FAM162A: variants seen among roughly 807,000 people sequenced by gnomAD.
The protein encoded by FAM162A is protein FAM162A.
In FAM162A, 23 loss-of-function variants were observed where a neutral mutation model predicts 21.8. The observed-to-expected ratio is 1.05, with a 90% CI of 0.76 to 1.49. FAM162A has a LOEUF of 1.49. Among genes scored for constraint, FAM162A ranks in the 40% most tolerant of loss-of-function variants. FAM162A has a pLI of 0.00. For synonymous variants in FAM162A, 53 were observed against 61.3 expected, an observed-to-expected ratio of 0.86 and a Z score of 0.64; for missense variants, 165 against 186.4, an observed-to-expected ratio of 0.89 and a Z score of 0.67.
At position 122,412,073 on chromosome 3, in the gene FAM162A, A is replaced by G. The variant is rs2075708350; in HGVS notation, c.*2242A>G. 6.6e-6 allele frequency: 1 copy of G among 152,190 alleles called. No individual in the cohort carries two copies. Among genetic ancestry groups the G allele is most frequent in the Non-Finnish European group, 1.5e-5 (1 of 68,038 alleles). 9.4% of individuals were successfully genotyped at this position (152,190 alleles called of 1,614,324 possible). A position where few individuals can be genotyped will look rare whatever the true frequency, so the allele number is the denominator to read the frequency against. On this transcript the variant is annotated 3_prime_UTR_variant, in exon 5 of 5. Transcript: ENST00000477892. ...ACCCTTACAGCACTCCTACCCTACT[A>G]GTAACTCTGATATCTCATAGTCCTC...
At chr3:122,401,006 TTAAGA>T (rs1482697053) in intron 1 of FAM162A, among the ~76,000 whole-genome samples, 12 of 152,200 alleles carry the variant, frequency 7.9e-5, no homozygotes, top group African/African-American at 2.9e-4. Flanking sequence ...CCATATATAC[TTAAGA>T]TATTTCTATG....
intron 3 of FAM162A, among the ~76,000 whole-genome samples, chr3:122,405,889 A>T (rs2075674671): frequency 6.6e-6 from 1 of 152,100 alleles, no homozygotes; most frequent in African/African-American, 2.4e-5. Flanking sequence ...CTCCTAACTG[A>T]CCAATTTGAC....
At chr3:122,386,075 C>T (rs773265507) in intron 1 of FAM162A, among the ~76,000 whole-genome samples, 17 of 152,260 alleles carry the variant, frequency 1.1e-4, no homozygotes, top group Middle Eastern at 3.4e-3. Flanking sequence ...TCAAGCTGTT[C>T]ATTCAGGGGC....
At chr3:122,398,547 A>G (rs2107698556) in intron 1 of FAM162A, among the ~76,000 whole-genome samples, 1 of 152,320 alleles carries the variant, frequency 6.6e-6, no homozygotes, top group East Asian at 1.9e-4. Flanking sequence ...GGGCAACACC[A>G]TGGGGGTGTG....
chr3:122,397,419 G>C (rs748312074), intron 1 of FAM162A, among the ~76,000 whole-genome samples: 30 of 152,028 alleles, frequency 2.0e-4, no homozygotes, highest in Non-Finnish European at 2.4e-4. Flanking sequence ...AACCACAAAG[G>C]TCTGAGGGCA....
Position 122,409,963 on chromosome 3 carries a change from T to C in FAM162A, c.*132T>C. 1.3e-6 allele frequency: 1 copy of C among 785,580 alleles called. No homozygotes were observed. Among genetic ancestry groups the C allele is most frequent in the Non-Finnish European group, 2.2e-6 (1 of 450,034 alleles). The allele number at this position is 785,580 out of a possible 1,614,324, so 48.7% of individuals were successfully genotyped here. On this transcript the variant is annotated 3_prime_UTR_variant, in exon 5 of 5. Transcript: ENST00000477892. ...GCCCAAACCTGTACCATTTCCGTAT[T>C]TCTGCTGTAGAAGTAGAAATAAATT... is the stretch of plus-strand genomic sequence containing the variant.
intron 2 of FAM162A, 73 bp downstream of exon 2, chr3:122,402,955 C>A: frequency 6.7e-7 from 1 of 1,490,754 alleles, no homozygotes; most frequent in Non-Finnish European, 9.0e-7. Context: ...TCAAAAGAAC[C>A]CAAAAGAGAA....
chr3:122,403,028 C>A, intron 2 of FAM162A, 146 bp downstream of exon 2: 1 of 932,342 alleles, frequency 1.1e-6, no homozygotes, highest in Non-Finnish European at 1.5e-6. Flanking sequence ...TGTGCATGTG[C>A]ACATGACCAA....
At chr3:122,406,864 A>G (rs1039498121) in intron 3 of FAM162A, among the ~76,000 whole-genome samples, 18 of 152,226 alleles carry the variant, frequency 1.2e-4, no homozygotes, top group Non-Finnish European at 1.8e-4. Flanking sequence ...GACGATGACT[A>G]CATCACATAA....
chr3:122,391,368 T>C (rs1459150514), intron 1 of FAM162A, among the ~76,000 whole-genome samples: 2 of 152,184 alleles, frequency 1.3e-5, no homozygotes, highest in East Asian at 3.9e-4. Context: ...AGTTTTTGTA[T>C]TTTTTGTAGA....
chr3:122,412,061 T>G lies in FAM162A; in HGVS notation c.*2230T>G, dbSNP rs2075708306. 6.6e-6 allele frequency: 1 copy of G among 152,296 alleles called. No individual in the cohort carries two copies. Among genetic ancestry groups the G allele is most frequent in the Admixed American group, 6.5e-5 (1 of 15,298 alleles). The allele number at this position is 152,296 out of a possible 1,614,324, so 9.4% of individuals were successfully genotyped here. On this transcript the variant is annotated 3_prime_UTR_variant, in exon 5 of 5. Transcript: ENST00000477892. The stretch of plus-strand genomic sequence containing the variant: ...ACTTCTCCCAGTACCCTTACAGCAC[T>G]CCTACCCTACTAGTAACTCTGATAT...
intron 1 of FAM162A, among the ~76,000 whole-genome samples, chr3:122,400,505 G>A (rs1035502054): frequency 4.7e-4 from 71 of 152,208 alleles, no homozygotes; most frequent in Admixed American, 2.6e-4. Context: ...ATGTATCCTA[G>A]AACTTAAATA....
At chr3:122,396,727 C>T (rs2075629487) in intron 1 of FAM162A, among the ~76,000 whole-genome samples, 1 of 152,032 alleles carries the variant, frequency 6.6e-6, no homozygotes, top group Admixed American at 6.5e-5. Context: ...TGGAAACCAC[C>T]CAAATGTCCA....
At chr3:122,403,930 G>A (rs1162144462) in intron 2 of FAM162A, among the ~76,000 whole-genome samples, 1 of 152,068 alleles carries the variant, frequency 6.6e-6, no homozygotes, top group Non-Finnish European at 1.5e-5. Flanking sequence ...TTTCTTCCTT[G>A]TTTCAAAATG....
rs2075681438 is a variant in FAM162A, at chr3:122,407,368, C to T, written c.351C>T (p.Phe117=). The change falls in exon 4 of 5, where the codon TTC becomes TTT. Residue 117 remains phenylalanine (F), a synonymous_variant. Transcript: ENST00000477892. ...CCCTGACGGTGGTAGGATGCATCTTCATGGTTATTGAGGGCAAGAAGGTGA... is the reference window on the plus strand; with the variant it reads ...CCCTGACGGTGGTAGGATGCATCTTTATGGTTATTGAGGGCAAGAAGGTGA... ...MIALTVVGCI[F]MVIEGKKAAQ... The T allele has an allele frequency of 6.2e-7, 1 of 1,613,822 alleles. No homozygotes were observed. The highest frequency in any genetic ancestry group is 8.5e-7 in the Non-Finnish European group (1 of 1,179,810).
chr3:122,404,463 A>G, intron 3 of FAM162A, 100 bp downstream of exon 3: 1 of 550,312 alleles, frequency 1.8e-6, no homozygotes, highest in Non-Finnish European at 3.2e-6. Context: ...TTTTCAACCA[A>G]ATTTGAAAAC....
chr3:122,389,343 T>C (rs2075588569), intron 1 of FAM162A, among the ~76,000 whole-genome samples: 2 of 151,998 alleles, frequency 1.3e-5, no homozygotes, highest in African/African-American at 2.4e-5. Context: ...TAGAAGTTAC[T>C]GGAGAAGTAG....
chr3:122,392,236 T>G (rs1191249080), intron 1 of FAM162A, among the ~76,000 whole-genome samples: 2 of 152,212 alleles, frequency 1.3e-5, no homozygotes, highest in African/African-American at 4.8e-5. Context: ...AATTATTGAT[T>G]CTTTTTCTGT....
intron 4 of FAM162A, among the ~76,000 whole-genome samples, chr3:122,408,830 G>A (rs375020364): frequency 6.6e-6 from 1 of 152,292 alleles, no homozygotes; most frequent in African/African-American, 2.4e-5. Context: ...AGGGGTATAT[G>A]CTGTGTATTT....
Sources: allele counts gnomAD v4.1 joint callset (sites outside exome capture counted in the v4.1 genomes callset), GRCh38; gene constraint gnomAD v4.1.1; transcripts MANE v1.5; gene names NCBI Gene and HGNC (gene_info 2026-07-23, HGNC 2026-07-21).